AGMO: variants seen among roughly 807,000 people sequenced by gnomAD.
The protein encoded by AGMO is glyceryl-ether monooxygenase.
AGMO carries 75 observed loss-of-function variants against 60.2 expected under a neutral mutation model. The ratio of observed to expected loss-of-function variants is 1.25; its 90% confidence interval spans 1.03 to 1.51. The LOEUF (loss-of-function observed/expected upper bound fraction) is 1.51. Among genes scored for constraint, AGMO ranks in the 40% most tolerant of loss-of-function variants. The probability of loss-of-function intolerance (pLI) is 0.00; values close to 1 mark genes in which losing one functional copy is unlikely to be tolerated. For synonymous variants in AGMO, 261 were observed against 177.1 expected (o/e 1.47, Z -3.76); for missense variants, 763 against 525.5 (o/e 1.45, Z -4.42).
chr7:15,480,074 G>A (rs187390803), intron 3 of AGMO, among the ~76,000 whole-genome samples: 226 of 152,242 alleles, frequency 1.5e-3, no homozygotes, highest in Admixed American at 4.1e-3. Context: ...CAAGTCAAAA[G>A]CGGTTACTAT....
At chr7:15,532,247 G>C (rs1398986829) in intron 3 of AGMO, among the ~76,000 whole-genome samples, 1 of 152,176 alleles carries the variant, frequency 6.6e-6, no homozygotes, top group East Asian at 1.9e-4. Context: ...AAAATAGATA[G>C]GATTGGTGTT....
intron 12 of AGMO, among the ~76,000 whole-genome samples, chr7:15,322,856 A>T (rs1474146925): frequency 6.9e-6 from 1 of 145,492 alleles, no homozygotes; most frequent in Non-Finnish European, 1.5e-5. Flanking sequence ...AAAAAATGTG[A>T]CACATAACAC....
At chr7:15,379,040 T>C (rs1228392287) in intron 10 of AGMO, among the ~76,000 whole-genome samples, 10 of 151,724 alleles carry the variant, frequency 6.6e-5, no homozygotes, top group South Asian at 2.1e-4. Context: ...AAGGCAAAAG[T>C]TTCAAAGAAG....
At chr7:15,300,070 G>A (rs983093167) in intron 12 of AGMO, among the ~76,000 whole-genome samples, 8 of 152,088 alleles carry the variant, frequency 5.3e-5, no homozygotes, top group Non-Finnish European at 1.0e-4. Flanking sequence ...TGGAAGAATG[G>A]AGGAAAAATA....
At chr7:15,444,078 T>C (rs773907406) in intron 3 of AGMO, among the ~76,000 whole-genome samples, 3 of 152,198 alleles carry the variant, frequency 2.0e-5, no homozygotes, top group Non-Finnish European at 4.4e-5. Context: ...ATAAGCTTCT[T>C]AATGAGAGGG....
chr7:15,223,167 G>A (rs1351030900), intron 12 of AGMO, among the ~76,000 whole-genome samples: 2 of 151,740 alleles, frequency 1.3e-5, no homozygotes, highest in Non-Finnish European at 2.9e-5. Flanking sequence ...TGCTCAAAAG[G>A]CTATTTAAAT....
chr7:15,199,656 C>T (rs1781221514), downstream of AGMO, among the ~76,000 whole-genome samples: 1 of 152,092 alleles, frequency 6.6e-6, no homozygotes, highest in Admixed American at 6.6e-5. Context: ...TTCCTAATTT[C>T]AAGCCAGCAG....
chr7:15,525,348 G>C (rs1483719404), intron 3 of AGMO, among the ~76,000 whole-genome samples: 2 of 151,918 alleles, frequency 1.3e-5, no homozygotes, highest in African/African-American at 2.4e-5. Flanking sequence ...CTCCCATTTG[G>C]TATGACTTCC....
At chr7:15,241,652 T>A (rs948597384) in intron 12 of AGMO, among the ~76,000 whole-genome samples, 1 of 152,022 alleles carries the variant, frequency 6.6e-6, no homozygotes, top group Non-Finnish European at 1.5e-5. Context: ...ACTCTCATAA[T>A]TTTCTTTTAT....
At chr7:15,213,919 A>T (rs547229035) in intron 12 of AGMO, among the ~76,000 whole-genome samples, 97 of 152,190 alleles carry the variant, frequency 6.4e-4, no homozygotes, top group Non-Finnish European at 9.1e-4. Context: ...GAGTGCTTCA[A>T]GGACAACAGA....
At chr7:15,427,372 A>G (rs966371302) in intron 4 of AGMO, among the ~76,000 whole-genome samples, 5 of 152,252 alleles carry the variant, frequency 3.3e-5, no homozygotes, top group East Asian at 1.9e-4. Flanking sequence ...GCTTTCCCCT[A>G]TTGCTAACAC....
chr7:15,118,635 T>C, the AGMO span, among the ~76,000 whole-genome samples: 1 of 152,070 alleles, frequency 6.6e-6, no homozygotes, highest in Non-Finnish European at 1.5e-5. Context: ...TTTTCATAGT[T>C]ATGAAACCAG....
intron 12 of AGMO, among the ~76,000 whole-genome samples, chr7:15,225,035 A>G (rs1782035294): frequency 6.6e-6 from 1 of 152,012 alleles, no homozygotes; most frequent in East Asian, 1.9e-4. Flanking sequence ...GGGAGACATC[A>G]TTAACATTTG....
intron 3 of AGMO, among the ~76,000 whole-genome samples, chr7:15,440,233 A>G (rs1781513654): frequency 6.6e-6 from 1 of 152,204 alleles, no homozygotes; most frequent in Admixed American, 6.5e-5. Context: ...CAGATCTGAG[A>G]ACACAAGCTC....
chr7:15,330,797 T>C (rs913402807), intron 12 of AGMO, among the ~76,000 whole-genome samples: 5 of 151,892 alleles, frequency 3.3e-5, no homozygotes, highest in Non-Finnish European at 5.9e-5. Flanking sequence ...TTAACATCTT[T>C]CTAAGCCTCT....
At chr7:15,555,292 TACACACACACACACACACAC>T (rs58173194) in intron 2 of AGMO, among the ~76,000 whole-genome samples, 5 of 95,878 alleles carry the variant, frequency 5.2e-5, no homozygotes, top group South Asian at 3.6e-4. Flanking sequence ...TATATATATA[TACACACACACACACACACAC>T]ACACACACAC....
At chr7:15,397,759 C>T (rs1261724841) in intron 5 of AGMO, among the ~76,000 whole-genome samples, 1 of 152,024 alleles carries the variant, frequency 6.6e-6, no homozygotes, top group Non-Finnish European at 1.5e-5. Context: ...ATTTATACAC[C>T]AAAGATTATT....
intron 12 of AGMO, among the ~76,000 whole-genome samples, chr7:15,350,472 C>T (rs2128553562): frequency 6.6e-6 from 1 of 152,198 alleles, no homozygotes; most frequent in Admixed American, 6.5e-5. Flanking sequence ...GAGTTTTAAG[C>T]AGTAATTCTC....
At chr7:15,199,139 G>C (rs1221586670), downstream of AGMO, among the ~76,000 whole-genome samples, 1 of 152,152 alleles carries the variant, frequency 6.6e-6, no homozygotes, top group African/African-American at 2.4e-5. Context: ...AGTCTGTTAG[G>C]TCAGATTTCT....
Sources: gnomAD v4.1 joint callset for allele counts (sites outside exome capture counted in the v4.1 genomes callset) on GRCh38, gnomAD v4.1.1 for gene constraint, MANE v1.5 for transcripts, NCBI Gene and HGNC (gene_info 2026-07-23, HGNC 2026-07-21) for gene names.